EHBP1: variants seen among roughly 807,000 people sequenced by gnomAD.
The protein encoded by EHBP1 is EH domain binding protein 1.
In EHBP1, 55 loss-of-function variants were observed where a neutral mutation model predicts 144.0. That is an observed-to-expected ratio of 0.38 (90% CI 0.31 to 0.48). The LOEUF is 0.48. EHBP1 is among the 20% of genes least tolerant of loss of function. The pLI, the probability that EHBP1 is intolerant of heterozygous loss-of-function variation, is 0.98. For missense variants in EHBP1, 1,200 were observed against 1,364.2 expected, an observed-to-expected ratio of 0.88 and a Z score of 1.90; for synonymous variants, 469 against 472.7, an observed-to-expected ratio of 0.99 and a Z score of 0.10.
chr2:62,728,177 C>T (rs1572990688), intron 2 of EHBP1, among the ~76,000 whole-genome samples: 1 of 152,182 alleles, frequency 6.6e-6, no homozygotes, highest in East Asian at 1.9e-4. Flanking sequence ...TTCCTAAGGC[C>T]AGTTCCTGGA....
At chr2:62,791,062 C>G (rs1376891531) in intron 5 of EHBP1, among the ~76,000 whole-genome samples, 2 of 151,974 alleles carry the variant, frequency 1.3e-5, no homozygotes, top group African/African-American at 2.4e-5. Flanking sequence ...TCTCCTTGCT[C>G]ATTTTCAGAT....
intron 15 of EHBP1, among the ~76,000 whole-genome samples, chr2:62,984,219 C>G (rs1245734785): frequency 6.6e-6 from 1 of 152,080 alleles, no homozygotes; most frequent in East Asian, 1.9e-4. Context: ...GATATTCTCT[C>G]TCTCTCTCTT....
chr2:62,979,247 A>G lies in EHBP1; in HGVS notation c.2520A>G (p.Glu840=), dbSNP rs760793531. Residue 840 remains glutamate (E), a synonymous_variant, in exon 15 of 23, where the codon GAA becomes GAG. Transcript: ENST00000431489. ...LRERARQLIA[E]ARSGVKMSEL... ...AGAGAGCTCGTCAGCTAATAGCAGA[A>G]GCTCGATCTGGAGTGAAGATGTCAG... is the stretch of plus-strand genomic sequence containing the variant. The G allele has an allele frequency of 6.2e-7, 1 of 1,613,936 alleles. No individual in the cohort carries two copies.
At chr2:62,809,327 C>G (rs930162824) in intron 5 of EHBP1, among the ~76,000 whole-genome samples, 3 of 146,356 alleles carry the variant, frequency 2.0e-5, no homozygotes, top group Non-Finnish European at 4.5e-5. Flanking sequence ...AAGAAGAGCA[C>G]AGTACCCTTG....
intron 19 of EHBP1, among the ~76,000 whole-genome samples, chr2:63,020,394 T>C (rs1179080404): frequency 2.7e-5 from 4 of 150,172 alleles, no homozygotes; most frequent in South Asian, 4.2e-4. Flanking sequence ...TCCCAGCTAT[T>C]TGGGAGACTG....
intron 7 of EHBP1, among the ~76,000 whole-genome samples, chr2:62,852,360 C>T (rs2048739892): frequency 6.6e-6 from 1 of 151,934 alleles, no homozygotes; most frequent in Non-Finnish European, 1.5e-5. Context: ...TGAGAATTAG[C>T]TGATTGTGGA....
At position 63,024,312 on chromosome 2, in the gene EHBP1, G is replaced by C. The variant is rs566444215; in HGVS notation, c.3104-13223G>C. Among the ~76,000 whole-genome samples, 75 of 152,258 alleles carry C rather than the reference G, an allele frequency of 4.9e-4. 1 individual carries two copies. The highest frequency in any genetic ancestry group is 6.8e-3 in the Middle Eastern group (2 of 294). ...TGAGCCAAGACTGCACAATTGCACT[G>C]CCGCCTGGATGACAAGAGCGAGACT... is the stretch of plus-strand genomic sequence containing the variant. On this transcript the variant is annotated intron_variant, in intron 19 of 22. Coordinates refer to ENST00000431489, the MANE Select transcript of EHBP1 (RefSeq NM_001142616.3).
At chr2:62,997,984 T>C (rs1202018223) in intron 19 of EHBP1, among the ~76,000 whole-genome samples, 1 of 152,148 alleles carries the variant, frequency 6.6e-6, no homozygotes, top group African/African-American at 2.4e-5. Flanking sequence ...TAGTGGGCTT[T>C]TGGGGACAGT....
At chr2:62,686,027 T>C (rs1305538693) in intron 1 of EHBP1, among the ~76,000 whole-genome samples, 1 of 152,210 alleles carries the variant, frequency 6.6e-6, no homozygotes, top group East Asian at 1.9e-4. Context: ...AAAAATAGTA[T>C]TCTCTCCATT....
chr2:62,690,571 A>G (rs1254391630), intron 1 of EHBP1, among the ~76,000 whole-genome samples: 1 of 152,148 alleles, frequency 6.6e-6, no homozygotes, highest in Non-Finnish European at 1.5e-5. Context: ...TCAAATAAAT[A>G]AATTAATTAA....
At chr2:62,913,733 A>G (rs1412687470) in intron 10 of EHBP1, among the ~76,000 whole-genome samples, 1 of 152,208 alleles carries the variant, frequency 6.6e-6, no homozygotes. Context: ...GTATTTCTTT[A>G]AAAACACTTT....
At position 62,823,261 on chromosome 2, in the gene EHBP1, C is replaced by T. The variant is rs544466357; in HGVS notation, c.313-2826C>T. On this transcript the variant is annotated intron_variant, in intron 5 of 22. Transcript: ENST00000431489. ...TCGAAAATACTGCCAGATGCACATA[C>T]GAACTGATGTTTAAACATAGGCCCA... 3.3e-5 allele frequency among the ~76,000 whole-genome samples: 5 copies of T among 152,214 alleles called. No individual in the cohort carries two copies. The East Asian group carries it at 9.7e-4, about 29-fold the overall frequency.
At chr2:62,721,637 T>C (rs193245663) in intron 2 of EHBP1, among the ~76,000 whole-genome samples, 2 of 152,358 alleles carry the variant, frequency 1.3e-5, no homozygotes, top group Admixed American at 6.5e-5. Context: ...AATTCATCAG[T>C]AGATTTTGCT....
At chr2:62,718,892 T>C (rs1432385694) in intron 2 of EHBP1, among the ~76,000 whole-genome samples, 2 of 152,176 alleles carry the variant, frequency 1.3e-5, no homozygotes, top group Non-Finnish European at 2.9e-5. Flanking sequence ...AACAGGTTCA[T>C]TGGTTCATTT....
chr2:63,023,185 A>C (rs2060830560), intron 19 of EHBP1, among the ~76,000 whole-genome samples: 1 of 152,236 alleles, frequency 6.6e-6, no homozygotes, highest in African/African-American at 2.4e-5. Context: ...AAATAAAAAT[A>C]GTAATAAATC....
chr2:62,756,470 A>G (rs992746047), intron 3 of EHBP1, among the ~76,000 whole-genome samples: 2 of 152,204 alleles, frequency 1.3e-5, no homozygotes, highest in East Asian at 3.8e-4. Context: ...TCATGTATTT[A>G]TGAAAATGCT....
intron 10 of EHBP1, among the ~76,000 whole-genome samples, chr2:62,926,030 G>A (rs1356135843): frequency 6.6e-6 from 1 of 152,134 alleles, no homozygotes; most frequent in Admixed American, 6.5e-5. Context: ...TACCAAAACA[G>A]CATGGTACTA....
chr2:62,937,632 T>G (rs907897345), intron 10 of EHBP1, among the ~76,000 whole-genome samples: 7 of 152,068 alleles, frequency 4.6e-5, no homozygotes, highest in Non-Finnish European at 7.4e-5. Context: ...AACTAAATCT[T>G]GAAGATTTGA....
rs187641978 is a variant in EHBP1 at position 62,801,137 on chromosome 2, A to G, written c.313-24950A>G. Among the ~76,000 whole-genome samples, 10 of 152,356 alleles carry G rather than the reference A, an allele frequency of 6.6e-5. No homozygotes were observed. In the East Asian group the frequency reaches 1.3e-3, roughly 21 times the overall value. ...ATTTTAATTTCACCAGTGAAAGCCC[A>G]TTTCTAACATTCATCTTGTTAACCA... On this transcript the variant is annotated intron_variant, in intron 5 of 22. Coordinates refer to ENST00000431489, the MANE Select transcript of EHBP1 (RefSeq NM_001142616.3).
Sources: gnomAD v4.1 joint callset for allele counts (sites outside exome capture counted in the v4.1 genomes callset) on GRCh38, gnomAD v4.1.1 for gene constraint, MANE v1.5 for transcripts, NCBI Gene and HGNC (gene_info 2026-07-23, HGNC 2026-07-21) for gene names.